PAX5: variants seen among roughly 807,000 people sequenced by gnomAD.
The protein encoded by PAX5 is paired box 5.
A neutral mutation model predicts 43.7 loss-of-function variants in PAX5; 9 were observed. The ratio of observed to expected loss-of-function variants is 0.21; its 90% CI spans 0.12 to 0.36. The LOEUF is 0.36. Among genes scored for constraint, PAX5 ranks in the 10% least tolerant of loss-of-function variants. The probability of loss-of-function intolerance (pLI) is 1.00; values close to 1 mark genes in which losing one functional copy is unlikely to be tolerated. For missense variants in PAX5, 383 were observed against 532.7 expected (o/e 0.72, Z 2.77); for synonymous variants, 228 against 214.3 (o/e 1.06, Z -0.56).
At chr9:36,968,501 G>A (rs1002239002) in intron 5 of PAX5, among the ~76,000 whole-genome samples, 5 of 152,144 alleles carry the variant, frequency 3.3e-5, no homozygotes, top group African/African-American at 1.2e-4. Flanking sequence ...TCCTCTATAG[G>A]AAGGGCCTTC....
intron 3 of PAX5, among the ~76,000 whole-genome samples, chr9:37,014,618 G>A (rs1839236426): frequency 6.6e-6 from 1 of 152,222 alleles, no homozygotes; most frequent in South Asian, 2.1e-4. Context: ...ATGGGCCAGT[G>A]CTAAGACCTT....
intron 9 of PAX5, among the ~76,000 whole-genome samples, chr9:36,843,326 G>T (rs12341651): frequency 0.059 from 8,973 of 152,160 alleles, 885 homozygotes; most frequent in African/African-American, 0.2. Flanking sequence ...GGGGCAGGGC[G>T]GGCCGGGAGA....
rs532873068 is a variant in PAX5, at chr9:36,859,965, G to A, written c.1013-13036C>T. Among the ~76,000 whole-genome samples, 19 of 152,018 alleles carry A rather than the reference G, an allele frequency of 1.2e-4. No individual in the cohort carries two copies. In the South Asian group the frequency reaches 4.0e-3, roughly 32 times the overall value. On this transcript the variant is annotated intron_variant, in intron 8 of 9. Transcript: ENST00000358127. ...CAGGAGAATGGTGTGAACCCGGGAG[G>A]TGGAGCTTGCAGTTAGCTGAGATCA...
At chr9:36,956,287 C>G (rs1471718611) in intron 6 of PAX5, among the ~76,000 whole-genome samples, 1 of 152,224 alleles carries the variant, frequency 6.6e-6, no homozygotes, top group Non-Finnish European at 1.5e-5. Context: ...GCAGGCAGCT[C>G]TTTGACAATT....
chr9:36,840,726 A>C, intron 9 of PAX5, 90 bp from the exon 10 acceptor site: 2 of 768,658 alleles, frequency 2.6e-6, no homozygotes, highest in Non-Finnish European at 4.2e-6. Context: ...CCCCTCACTC[A>C]GTCCGGGCCA....
chr9:36,868,888 G>T (rs1356079424), intron 8 of PAX5, among the ~76,000 whole-genome samples: 1 of 152,122 alleles, frequency 6.6e-6, no homozygotes, highest in Non-Finnish European at 1.5e-5. Flanking sequence ...AATGGCAACT[G>T]GGGCTAACAG....
chr9:36,871,273 C>T (rs572668050), intron 8 of PAX5, among the ~76,000 whole-genome samples: 1 of 152,362 alleles, frequency 6.6e-6, no homozygotes, highest in East Asian at 1.9e-4. Flanking sequence ...CGGCGTTTAT[C>T]TCCTGGATTC....
chr9:37,002,540 G>A (rs995387271), intron 5 of PAX5, 108 bp downstream of exon 5: 6 of 1,213,718 alleles, frequency 4.9e-6, no homozygotes, highest in East Asian at 5.0e-5. Context: ...TCGCTCCTCT[G>A]CAGGTAAGGG....
In PAX5 at chr9:36,991,108, CAAAA is replaced by C. The variant is rs58025570; in HGVS notation, c.604+11536_604+11539del. ...TGGGCGGTAGAGCCAGACCTTGTCT[CAAAA>C]AAAAAAAAAAAAAAAATTCCAGCAA... On this transcript the variant is annotated intron_variant, in intron 5 of 9. Coordinates refer to ENST00000358127, the MANE Select transcript of PAX5 (RefSeq NM_016734.3). Among the ~76,000 whole-genome samples the C allele has an allele frequency of 1.2e-3, 176 of 142,790 alleles. 1 individual carries two copies. Among genetic ancestry groups the C allele is most frequent in the South Asian group, 2.9e-3 (13 of 4,456 alleles). The allele number at this position is 142,790 out of a possible 152,430, so 93.7% of individuals were successfully genotyped here.
intron 2 of PAX5, among the ~76,000 whole-genome samples, chr9:37,019,125 GCTCT>G (rs1041091016): frequency 2.3e-4 from 35 of 151,934 alleles, no homozygotes; most frequent in South Asian, 4.2e-4. Flanking sequence ...AAAGTATTGT[GCTCT>G]CTCTCTCTTT....
chr9:36,896,221 G>A (rs778696669), intron 7 of PAX5, among the ~76,000 whole-genome samples: 5 of 152,080 alleles, frequency 3.3e-5, no homozygotes, highest in Non-Finnish European at 7.4e-5. Flanking sequence ...CTGATTTCTT[G>A]TAAAGGGACT....
At chr9:36,972,650 G>T (rs1423269997) in intron 5 of PAX5, among the ~76,000 whole-genome samples, 1 of 152,192 alleles carries the variant, frequency 6.6e-6, no homozygotes, top group Non-Finnish European at 1.5e-5. Context: ...TTGGTTGGGG[G>T]TGGTGGGAGT....
intron 7 of PAX5, among the ~76,000 whole-genome samples, chr9:36,917,816 G>A (rs1334139755): frequency 1.3e-5 from 2 of 152,222 alleles, no homozygotes; most frequent in African/African-American, 4.8e-5. Context: ...CCAACAGCAT[G>A]CGCTCCCTTC....
In PAX5 at chr9:36,903,719, G is replaced by A. The variant is rs3780146; in HGVS notation, c.910+19636C>T. 9.9e-3 allele frequency among the ~76,000 whole-genome samples: 1,512 copies of A among 152,332 alleles called. 28 individuals are homozygous for A. The highest frequency in any genetic ancestry group is 0.045 in the Admixed American group (696 of 15,306). On this transcript the variant is annotated intron_variant, in intron 7 of 9. Coordinates refer to ENST00000358127, the MANE Select transcript of PAX5 (RefSeq NM_016734.3). ...GTCAGGCTGCATGAGGTCTGTCTGA[G>A]CAGGAGGCTGACCTAAGGGGATGCC... is the stretch of plus-strand genomic sequence containing the variant.
At chr9:36,871,095 C>A (rs1045583388) in intron 8 of PAX5, among the ~76,000 whole-genome samples, 2 of 152,202 alleles carry the variant, frequency 1.3e-5, no homozygotes, top group East Asian at 1.9e-4. Context: ...TCTTGACAGG[C>A]CTTTTGGCAA....
intron 3 of PAX5, among the ~76,000 whole-genome samples, chr9:37,013,470 G>A (rs757509073): frequency 6.6e-6 from 1 of 152,186 alleles, no homozygotes; most frequent in Non-Finnish European, 1.5e-5. Flanking sequence ...CTGACCAGGG[G>A]TTTGGCTGAT....
At chr9:37,012,578 T>A (rs1166114989) in intron 3 of PAX5, among the ~76,000 whole-genome samples, 2 of 152,216 alleles carry the variant, frequency 1.3e-5, no homozygotes, top group African/African-American at 4.8e-5. Flanking sequence ...GCAGAAAACA[T>A]CAGCGGGCCC....
At position 36,957,999 on chromosome 9, in the gene PAX5, C is replaced by T. The variant is rs375894521; in HGVS notation, c.780+8550G>A. Among the ~76,000 whole-genome samples, 9 of 152,262 alleles carry T rather than the reference C, an allele frequency of 5.9e-5. No individual in the cohort carries two copies. In the South Asian group the frequency reaches 1.7e-3, roughly 28 times the overall value. ...GGCAGGAGGTCTCAAAGCCCCAAAG[C>T]GTATCTTCCCAGAGCATCAAGTTGG... On this transcript the variant is annotated intron_variant, in intron 6 of 9. Transcript: ENST00000358127.
chr9:36,899,414 C>T (rs61587051), intron 7 of PAX5, among the ~76,000 whole-genome samples: 4,610 of 152,286 alleles, frequency 0.03, 143 homozygotes, highest in East Asian at 0.088. Context: ...CGATGTTTGG[C>T]GCAGAGCTGA....
Sources: gnomAD v4.1 joint callset for allele counts (sites outside exome capture counted in the v4.1 genomes callset) on GRCh38, gnomAD v4.1.1 for gene constraint, MANE v1.5 for transcripts, NCBI Gene and HGNC (gene_info 2026-07-23, HGNC 2026-07-21) for gene names.